KLHL13: variants seen among roughly 807,000 people sequenced by gnomAD.
KLHL13 encodes kelch-like protein 13.
KLHL13 carries 10 observed loss-of-function variants against 37.1 expected under a neutral mutation model. The observed-to-expected ratio is 0.27, with a 90% CI of 0.17 to 0.46. The LOEUF is 0.46. KLHL13 is among the 20% of genes least tolerant of loss of function. The pLI is 1.00. For missense variants in KLHL13, 360 were observed against 509.3 expected, an observed-to-expected ratio of 0.71 and a Z score of 2.82; for synonymous variants, 163 against 181.2, an observed-to-expected ratio of 0.90 and a Z score of 0.81.
intron 1 of KLHL13, among the ~76,000 whole-genome samples, chrX:118,050,787 T>A (rs1214740570): frequency 8.9e-6 from 1 of 112,023 alleles, no homozygotes; most frequent in Non-Finnish European, 1.9e-5. Flanking sequence ...ATTTAAAAAA[T>A]GTGAGAAATG....
chrX:118,089,352 T>C (rs1288319004), intron 1 of KLHL13, among the ~76,000 whole-genome samples: 2 of 109,256 alleles, frequency 1.8e-5, no homozygotes, highest in South Asian at 4.0e-4. Context: ...GGCAGGGAGA[T>C]ATCACTGGAG....
intron 1 of KLHL13, among the ~76,000 whole-genome samples, chrX:117,967,124 A>C (rs2053447851): frequency 9.0e-6 from 1 of 111,730 alleles, no homozygotes; most frequent in Non-Finnish European, 1.9e-5. Context: ...TGAACAGGCT[A>C]CCTACAGAAT....
chrX:117,938,278 A>G (rs1375159347), intron 2 of KLHL13, among the ~76,000 whole-genome samples: 2 of 111,530 alleles, frequency 1.8e-5, no homozygotes, highest in Non-Finnish European at 3.8e-5. Flanking sequence ...ACTGATAGAT[A>G]TTTAAGTTAT....
At chrX:118,004,614 A>G (rs1401005733) in intron 1 of KLHL13, among the ~76,000 whole-genome samples, 1 of 112,605 alleles carries the variant, frequency 8.9e-6, no homozygotes, top group African/African-American at 3.2e-5. Context: ...ACAATAAAAT[A>G]GGAAACTATG....
intron 1 of KLHL13, among the ~76,000 whole-genome samples, chrX:118,038,754 C>G (rs2054476905): frequency 9.0e-6 from 1 of 111,304 alleles, no homozygotes; most frequent in Non-Finnish European, 1.9e-5. Flanking sequence ...CTAGGCAAGT[C>G]CTGGTGTTAT....
intron 1 of KLHL13, among the ~76,000 whole-genome samples, chrX:118,049,704 C>T (rs1029243717): frequency 9.0e-6 from 1 of 111,265 alleles, no homozygotes; most frequent in Admixed American, 9.6e-5. Flanking sequence ...TATTTCAGAA[C>T]GCTCATTTTA....
intron 2 of KLHL13, among the ~76,000 whole-genome samples, chrX:117,944,101 T>C (rs1028572840): frequency 1.5e-4 from 17 of 111,027 alleles, no homozygotes; most frequent in African/African-American, 5.6e-4. Flanking sequence ...GCAGATCTGC[T>C]AGAGGTGCTA....
intron 5 of KLHL13, among the ~76,000 whole-genome samples, chrX:117,904,382 C>G (rs62609215): frequency 9.0e-6 from 1 of 110,812 alleles, no homozygotes; most frequent in Non-Finnish European, 1.9e-5. Context: ...TAGGTTAGTA[C>G]CAACAACTCT....
In KLHL13 at chrX:117,985,458, A is replaced by AC. The variant is rs1278395739; in HGVS notation, c.-55-39884_-55-39883insG. ...AGGCTTTATATATTTAAAAAAAAAA[A>AC]AAAAAACCTATGTACTGCATACCTT... is the stretch of plus-strand genomic sequence containing the variant. On this transcript the variant is annotated intron_variant, in intron 1 of 6. Coordinates refer to the KLHL13 transcript ENST00000371882. 4 of 812,868 alleles carry AC rather than the reference A, an allele frequency of 4.9e-6. No individual in the cohort carries two copies. The African/African-American group carries it at 8.6e-5, about 18-fold the overall frequency. The allele number at this position is 812,868 out of a possible 1,213,427, so 67.0% of individuals were successfully genotyped here.
intron 2 of KLHL13, among the ~76,000 whole-genome samples, chrX:117,929,647 A>T (rs1486029708): frequency 9.1e-6 from 1 of 109,577 alleles, no homozygotes; most frequent in African/African-American, 3.3e-5. Context: ...CTGTTTTTTT[A>T]AAAAAGTAAA....
At chrX:118,032,176 C>T in intron 1 of KLHL13, among the ~76,000 whole-genome samples, 1 of 111,382 alleles carries the variant, frequency 9.0e-6, no homozygotes, top group Non-Finnish European at 1.9e-5. Flanking sequence ...GGGCGCCCAC[C>T]ATTGCCCAGG....
At chrX:118,086,344 CTG>C (rs1425326967) in intron 1 of KLHL13, among the ~76,000 whole-genome samples, 4 of 111,201 alleles carry the variant, frequency 3.6e-5, no homozygotes, top group Non-Finnish European at 7.5e-5. Context: ...AATCTCTAGA[CTG>C]TTTTTCTTAG....
At chrX:117,908,807 T>C (rs1390406097) in intron 5 of KLHL13, among the ~76,000 whole-genome samples, 1 of 112,183 alleles carries the variant, frequency 8.9e-6, no homozygotes, top group African/African-American at 3.2e-5. Context: ...CTTTGGATAA[T>C]GTTGAACTTT....
At chrX:118,046,629 G>C (rs1174445572) in intron 1 of KLHL13, among the ~76,000 whole-genome samples, 3 of 111,681 alleles carry the variant, frequency 2.7e-5, no homozygotes, top group Non-Finnish European at 5.6e-5. Flanking sequence ...CCAATTACAT[G>C]TCTGTATCTA....
intron 5 of KLHL13, among the ~76,000 whole-genome samples, chrX:117,904,261 T>C (rs1450233590): frequency 9.0e-6 from 1 of 111,705 alleles, no homozygotes; most frequent in African/African-American, 3.3e-5. Flanking sequence ...AGAGTTGCTA[T>C]TGTTATCAGT....
chrX:118,091,829 AAC>A (rs1213790298), intron 1 of KLHL13, among the ~76,000 whole-genome samples: 2 of 111,334 alleles, frequency 1.8e-5, no homozygotes, highest in East Asian at 5.6e-4. Context: ...GGAGATACAC[AAC>A]ACACACACAC....
chrX:117,924,331 T>C (rs1230669345), intron 2 of KLHL13, among the ~76,000 whole-genome samples: 3 of 112,202 alleles, frequency 2.7e-5, no homozygotes, highest in Non-Finnish European at 3.8e-5. Flanking sequence ...GAAGTATGCA[T>C]ACATTAAAAG....
chrX:118,091,367 C>T lies in KLHL13; in HGVS notation c.-56+25141G>A, dbSNP rs571962170. ...TTTTAAAGTAGCCATCATAAAAATG[C>T]TTCATTGAGCAATTATGAAAACATT... On this transcript the variant is annotated intron_variant, in intron 1 of 6. Coordinates refer to the KLHL13 transcript ENST00000371882. 3.6e-5 allele frequency among the ~76,000 whole-genome samples: 4 copies of T among 111,577 alleles called. No homozygotes were observed. The South Asian group carries it at 1.5e-3, about 42-fold the overall frequency.
At chrX:118,033,359 T>A (rs866656883) in intron 1 of KLHL13, among the ~76,000 whole-genome samples, 5 of 111,083 alleles carry the variant, frequency 4.5e-5, no homozygotes, top group East Asian at 2.8e-4. Context: ...CGGGTTACCC[T>A]CAAAGGGAAG....
Sources: gnomAD v4.1 joint callset for allele counts (sites outside exome capture counted in the v4.1 genomes callset) on GRCh38, gnomAD v4.1.1 for gene constraint, MANE v1.5 for transcripts, NCBI Gene and HGNC (gene_info 2026-07-23, HGNC 2026-07-21) for gene names.